The following SOX5 variants were observed in gnomAD, a reference collection of about 807,000 sequenced individuals.
SOX5 encodes SRY-box transcription factor 5.
In SOX5, 9 loss-of-function variants were observed where a neutral mutation model predicts 92.0. The observed-to-expected ratio is 0.10, with a 90% confidence interval of 0.06 to 0.17. SOX5 has a LOEUF of 0.17. Ranked by LOEUF, SOX5 falls within the 10% of genes least tolerant of loss-of-function variation. The pLI, the probability that SOX5 is intolerant of heterozygous loss-of-function variation, is 1.00. For synonymous variants in SOX5, 344 were observed against 336.3 expected, an observed-to-expected ratio of 1.02 and a Z score of -0.25; for missense variants, 642 against 944.5, an observed-to-expected ratio of 0.68 and a Z score of 4.20.
At chr12:23,872,160 G>A (rs1464239766) in intron 2 of SOX5, among the ~76,000 whole-genome samples, 8 of 106,820 alleles carry the variant, frequency 7.5e-5, no homozygotes. Context: ...ACCACGCCCG[G>A]CTAATTTTTT....
chr12:23,579,741 C>T (rs1283709486), intron 9 of SOX5, among the ~76,000 whole-genome samples: 1 of 151,996 alleles, frequency 6.6e-6, no homozygotes, highest in Non-Finnish European at 1.5e-5. Context: ...ACATGATTAA[C>T]TCCTATTGTT....
chr12:24,046,057 C>T (rs1240310406), intron 4 of SOX5, among the ~76,000 whole-genome samples: 1 of 152,182 alleles, frequency 6.6e-6, no homozygotes, highest in Non-Finnish European at 1.5e-5. Context: ...AGTCCCTTGA[C>T]AGGAAATGAG....
At chr12:24,524,821 C>T (rs1003405015) in intron 1 of SOX5, among the ~76,000 whole-genome samples, 4 of 152,128 alleles carry the variant, frequency 2.6e-5, no homozygotes, top group East Asian at 1.9e-4. Context: ...GTTTGGGACT[C>T]GCCTGGGTAA....
At chr12:23,952,720 G>C (rs1945812704), upstream of SOX5, among the ~76,000 whole-genome samples, 1 of 152,100 alleles carries the variant, frequency 6.6e-6, no homozygotes, top group East Asian at 1.9e-4. Context: ...ATGATAATTT[G>C]AACTAATGGA....
intron 4 of SOX5, among the ~76,000 whole-genome samples, chr12:23,979,368 C>T (rs544055149): frequency 8.6e-5 from 13 of 152,020 alleles, no homozygotes; most frequent in East Asian, 3.9e-4. Flanking sequence ...GGATTACAGG[C>T]GCCCACCAAC....
intron 4 of SOX5, among the ~76,000 whole-genome samples, chr12:24,077,591 T>A (rs1442413264): frequency 6.6e-6 from 1 of 151,790 alleles, no homozygotes; most frequent in Non-Finnish European, 1.5e-5. Context: ...AATTTCAGTC[T>A]TCATCATACA....
chr12:24,463,279 A>T (rs1225334312), intron 1 of SOX5, among the ~76,000 whole-genome samples: 1 of 152,038 alleles, frequency 6.6e-6, no homozygotes, highest in Admixed American at 6.5e-5. Flanking sequence ...AGAAAGCAAC[A>T]TTTGGGGCAA....
intron 3 of SOX5, among the ~76,000 whole-genome samples, chr12:23,842,532 C>T (rs1377126995): frequency 6.6e-6 from 1 of 152,120 alleles, no homozygotes; most frequent in Non-Finnish European, 1.5e-5. Context: ...GCATTCAGAT[C>T]TTGCATTCTA....
At chr12:24,106,190 GAA>G (rs11360931) in intron 4 of SOX5, among the ~76,000 whole-genome samples, 26 of 118,072 alleles carry the variant, frequency 2.2e-4, no homozygotes, top group African/African-American at 6.0e-4. Context: ...CTGGTAATTA[GAA>G]AAAAAAAAAA....
intron 1 of SOX5, among the ~76,000 whole-genome samples, chr12:24,445,303 T>A (rs1487144104): frequency 1.3e-5 from 2 of 152,222 alleles, no homozygotes; most frequent in Non-Finnish European, 2.9e-5. Flanking sequence ...ACATTATGCT[T>A]GTTTGAGAAC....
intron 3 of SOX5, among the ~76,000 whole-genome samples, chr12:23,777,072 C>T (rs1049788491): frequency 6.6e-6 from 1 of 152,190 alleles, no homozygotes; most frequent in Non-Finnish European, 1.5e-5. Context: ...TGGAAGTTAT[C>T]TGTCTTGGCA....
intron 4 of SOX5, among the ~76,000 whole-genome samples, chr12:24,198,777 G>A (rs1432732440): frequency 6.6e-6 from 1 of 152,188 alleles, no homozygotes; most frequent in South Asian, 2.1e-4. Context: ...CCAGGAAAAA[G>A]TGACCTTACA....
chr12:24,162,844 G>T (rs1952918182), intron 4 of SOX5, among the ~76,000 whole-genome samples: 1 of 152,130 alleles, frequency 6.6e-6, no homozygotes, highest in Non-Finnish European at 1.5e-5. Flanking sequence ...AAAGAGCTAA[G>T]GAGTCACTGC....
chr12:23,804,444 T>A (rs2095719835), intron 3 of SOX5, among the ~76,000 whole-genome samples: 1 of 152,100 alleles, frequency 6.6e-6, no homozygotes, highest in Non-Finnish European at 1.5e-5. Flanking sequence ...AAATGGATTG[T>A]GGAACAGAAC....
At chr12:24,149,338 G>A (rs1951428905) in intron 4 of SOX5, among the ~76,000 whole-genome samples, 1 of 151,940 alleles carries the variant, frequency 6.6e-6, no homozygotes, top group African/African-American at 2.4e-5. Flanking sequence ...ATATATAAAA[G>A]ACTCTCAAAA....
chr12:23,815,321 T>C (rs1054911809), intron 3 of SOX5, among the ~76,000 whole-genome samples: 3 of 152,182 alleles, frequency 2.0e-5, no homozygotes, highest in Admixed American at 1.3e-4. Context: ...AAATTATCAC[T>C]GAAAGCAAGG....
chr12:23,952,213 C>A (rs182017859), upstream of SOX5, among the ~76,000 whole-genome samples: 8 of 151,690 alleles, frequency 5.3e-5, no homozygotes, highest in Admixed American at 1.3e-4. Flanking sequence ...GAGGAGGAGG[C>A]GGGAGGAGAG....
chr12:24,279,009 A>G (rs1481571184), intron 2 of SOX5, among the ~76,000 whole-genome samples: 1 of 151,994 alleles, frequency 6.6e-6, no homozygotes, highest in Non-Finnish European at 1.5e-5. Flanking sequence ...TGACACAGAA[A>G]TTCACAGGTG....
chr12:23,653,248 G>A (rs1210774523), intron 7 of SOX5, among the ~76,000 whole-genome samples: 1 of 151,792 alleles, frequency 6.6e-6, no homozygotes, highest in Admixed American at 6.6e-5. Context: ...CTGTTTATAG[G>A]TCCATGTCCA....
Sources: gnomAD v4.1 joint callset for allele counts (sites outside exome capture counted in the v4.1 genomes callset) on GRCh38, gnomAD v4.1.1 for gene constraint, MANE v1.5 for transcripts, NCBI Gene and HGNC (gene_info 2026-07-23, HGNC 2026-07-21) for gene names.